The following THSD7A variants were observed in gnomAD, a reference collection of about 807,000 sequenced individuals.
THSD7A encodes thrombospondin type 1 domain containing 7A.
A neutral mutation model predicts 231.3 loss-of-function variants in THSD7A; 96 were observed. The ratio of observed to expected loss-of-function variants is 0.41; its 90% confidence interval spans 0.35 to 0.49. THSD7A has a LOEUF of 0.49. THSD7A is among the 20% of genes least tolerant of loss of function. The pLI, the probability that THSD7A is intolerant of heterozygous loss-of-function variation, is 0.05. For missense variants in THSD7A, 2,290 were observed against 2,070.2 expected (o/e 1.11, Z -2.06); for synonymous variants, 940 against 743.3 (o/e 1.26, Z -4.30).
intron 23 of THSD7A, among the ~76,000 whole-genome samples, chr7:11,386,828 G>T (rs1249219800): frequency 6.6e-6 from 1 of 152,158 alleles, no homozygotes; most frequent in African/African-American, 2.4e-5. Context: ...TTCTTCTACG[G>T]TTTTTACGGT....
intron 6 of THSD7A, among the ~76,000 whole-genome samples, chr7:11,482,916 C>T (rs1395300146): frequency 6.6e-6 from 1 of 152,094 alleles, no homozygotes; most frequent in Non-Finnish European, 1.5e-5. Flanking sequence ...AACAGAATAA[C>T]CAAAACAGGG....
intron 1 of THSD7A, among the ~76,000 whole-genome samples, chr7:11,676,734 G>A (rs1040783226): frequency 1.3e-5 from 2 of 152,002 alleles, no homozygotes; most frequent in African/African-American, 4.8e-5. Context: ...GAATGAAAAG[G>A]AACAAACAAA....
Position 11,397,792 on chromosome 7 carries a change from T to C in THSD7A, c.4411+4003A>G, listed in dbSNP as rs567803195. Among the ~76,000 whole-genome samples, 373 of 152,032 alleles carry C rather than the reference T, an allele frequency of 2.5e-3. 2 individuals carry two copies. The highest frequency in any genetic ancestry group is 8.2e-3 in the Admixed American group (125 of 15,284). ...GAAGACATTATGCAGCCAACAAACA[T>C]GAAAAAAAGCTCATCAACACTGGTC... On this transcript the variant is annotated intron_variant, in intron 23 of 27. Coordinates refer to ENST00000423059, the MANE Select transcript of THSD7A (RefSeq NM_015204.3).
At chr7:11,715,587 G>C (rs1020251670) in intron 1 of THSD7A, among the ~76,000 whole-genome samples, 2 of 151,318 alleles carry the variant, frequency 1.3e-5, no homozygotes, top group Non-Finnish European at 3.0e-5. Context: ...ATTTTGATTT[G>C]AGAATTATAT....
rs552960251 is a variant in THSD7A at position 11,373,562 on chromosome 7, C to T, written c.*2232G>A. On this transcript the variant is annotated 3_prime_UTR_variant, in exon 28 of 28. Transcript: ENST00000423059. ...GTAAAATTTTCATCTTCCTGACTAC[C>T]TGTTCTCTTTGAAATGATTTACATT... is the stretch of plus-strand genomic sequence containing the variant. 1 of 151,856 alleles carries T rather than the reference C, an allele frequency of 6.6e-6. No individual in the cohort carries two copies. Among genetic ancestry groups the T allele is most frequent in the Non-Finnish European group, 1.5e-5 (1 of 67,922 alleles). 9.4% of individuals were successfully genotyped at this position (151,856 alleles called of 1,614,324 possible). A position where few individuals can be genotyped will look rare whatever the true frequency, so the allele number is the denominator to read the frequency against.
intron 1 of THSD7A, among the ~76,000 whole-genome samples, chr7:11,712,922 T>A (rs1246602198): frequency 6.6e-6 from 1 of 151,118 alleles, no homozygotes; most frequent in Admixed American, 6.6e-5. Flanking sequence ...AACTTAAGTA[T>A]CTTCCAATTA....
intron 4 of THSD7A, among the ~76,000 whole-genome samples, chr7:11,569,717 T>C (rs559654578): frequency 6.6e-6 from 1 of 152,326 alleles, no homozygotes; most frequent in Non-Finnish European, 1.5e-5. Context: ...GATACCTGCA[T>C]CCCCATGTTT....
chr7:11,472,319 C>A (rs943829697), intron 8 of THSD7A, among the ~76,000 whole-genome samples: 2 of 152,054 alleles, frequency 1.3e-5, no homozygotes, highest in Non-Finnish European at 2.9e-5. Context: ...ACCGGGAGGA[C>A]AGATAAGATC....
chr7:11,731,019 T>G (rs1781710197), intron 1 of THSD7A, among the ~76,000 whole-genome samples: 1 of 151,640 alleles, frequency 6.6e-6, no homozygotes, highest in African/African-American at 2.4e-5. Flanking sequence ...TTAAAAAATG[T>G]TTTTTCTTGG....
At chr7:11,462,187 A>T (rs1424977886) in intron 9 of THSD7A, 44 bp from the exon 10 acceptor site, 2 of 1,602,906 alleles carry the variant, frequency 1.2e-6, no homozygotes, top group Non-Finnish European at 1.7e-6. Flanking sequence ...TACACTGATG[A>T]GATAATCTCT....
intron 1 of THSD7A, among the ~76,000 whole-genome samples, chr7:11,806,090 T>C (rs1439486462): frequency 3.3e-5 from 5 of 152,180 alleles, no homozygotes. Context: ...GTTTTCTCTT[T>C]GGTTGCTAAA....
intron 11 of THSD7A, 102 bp downstream of exon 11, chr7:11,460,560 T>G: frequency 1.2e-6 from 1 of 827,742 alleles, no homozygotes; most frequent in Non-Finnish European, 1.9e-6. Flanking sequence ...TTATATCTGC[T>G]TTGCTCTGTT....
At chr7:11,799,644 A>G (rs370276322) in intron 1 of THSD7A, among the ~76,000 whole-genome samples, 3 of 152,204 alleles carry the variant, frequency 2.0e-5, no homozygotes, top group East Asian at 3.8e-4. Flanking sequence ...AAAGCAGTCA[A>G]CTGTATTGTT....
intron 4 of THSD7A, among the ~76,000 whole-genome samples, chr7:11,583,190 CT>C (rs1253424282): frequency 6.6e-6 from 1 of 151,736 alleles, no homozygotes; most frequent in Non-Finnish European, 1.5e-5. Flanking sequence ...AAAAATTGGT[CT>C]TTTTAAATCT....
Position 11,393,355 on chromosome 7 carries a change from G to A in THSD7A, c.4411+8440C>T, listed in dbSNP as rs112036568. Among the ~76,000 whole-genome samples the A allele has an allele frequency of 7.2e-5, 11 of 152,220 alleles. 1 individual carries two copies. The highest frequency in any genetic ancestry group is 2.6e-4 in the Admixed American group (4 of 15,286). The stretch of plus-strand genomic sequence containing the variant: ...AAAAGGATGTCCACTCAGAGACCCC[G>A]AACTGAAGGTAACCAACATCAAAGG... On this transcript the variant is annotated intron_variant, in intron 23 of 27. Transcript: ENST00000423059.
In THSD7A at chr7:11,372,337, T is replaced by G. The variant is rs1782087143; in HGVS notation, c.*3457A>C. The G allele has an allele frequency of 7.2e-5, 1 of 13,926 alleles. No individual in the cohort carries two copies. Among genetic ancestry groups the G allele is most frequent in the South Asian group, 1.3e-3 (1 of 744 alleles). 0.9% of individuals were successfully genotyped at this position (13,926 alleles called of 1,614,324 possible). ...TACCTATGTATACAAAAGCCATTAC[T>G]TTTTTTTTTTTTTTTACAATGCCTA... is the stretch of plus-strand genomic sequence containing the variant. On this transcript the variant is annotated 3_prime_UTR_variant, in exon 28 of 28. Transcript: ENST00000423059.
intron 1 of THSD7A, among the ~76,000 whole-genome samples, chr7:11,767,265 T>G (rs1783058348): frequency 6.6e-6 from 1 of 152,194 alleles, no homozygotes; most frequent in South Asian, 2.1e-4. Context: ...GAATCCCATT[T>G]TATTCGCAAC....
intron 6 of THSD7A, among the ~76,000 whole-genome samples, chr7:11,497,179 C>T (rs924750981): frequency 1.3e-5 from 2 of 152,074 alleles, no homozygotes; most frequent in African/African-American, 2.4e-5. Flanking sequence ...CCTTATAAAA[C>T]CATCAGATCA....
intron 2 of THSD7A, among the ~76,000 whole-genome samples, chr7:11,619,037 G>T (rs527419890): frequency 5.1e-4 from 77 of 151,954 alleles, no homozygotes; most frequent in African/African-American, 1.6e-3. Context: ...TATTTCCATT[G>T]TGTATAAAGA....
Sources: allele counts gnomAD v4.1 joint callset (sites outside exome capture counted in the v4.1 genomes callset), GRCh38; gene constraint gnomAD v4.1.1; transcripts MANE v1.5; gene names NCBI Gene and HGNC (gene_info 2026-07-23, HGNC 2026-07-21).